GPR39: variants seen among roughly 807,000 people sequenced by gnomAD.
The protein encoded by GPR39 is G protein-coupled receptor 39, also known as zinc sensing receptor.
Under a neutral mutation model 18.4 loss-of-function variants are expected in GPR39, and 23 were observed. The observed-to-expected ratio is 1.25, with a 90% confidence interval of 0.90 to 1.77. GPR39 has a LOEUF of 1.77. Among genes scored for constraint, GPR39 ranks in the 40% most tolerant of loss-of-function variants. GPR39 has a pLI of 0.00. For synonymous variants in GPR39, 280 were observed against 257.9 expected (o/e 1.09, Z -0.82); for missense variants, 647 against 602.4 (o/e 1.07, Z -0.78).
chr2:132,475,780 C>A (rs553119529), intron 1 of GPR39, among the ~76,000 whole-genome samples: 37 of 152,298 alleles, frequency 2.4e-4, no homozygotes, highest in South Asian at 6.2e-4. Flanking sequence ...AATCTTTGCA[C>A]TTTTAGAATA....
At chr2:132,553,638 C>G (rs550158902) in intron 1 of GPR39, among the ~76,000 whole-genome samples, 1 of 151,994 alleles carries the variant, frequency 6.6e-6, no homozygotes, top group East Asian at 1.9e-4. Flanking sequence ...ACAGAGCTCA[C>G]GGGGTGTGCA....
intron 1 of GPR39, among the ~76,000 whole-genome samples, chr2:132,630,479 G>GA (rs1681630108): frequency 1.3e-5 from 2 of 152,210 alleles, no homozygotes; most frequent in South Asian, 4.1e-4. Context: ...GGACAGACTG[G>GA]AGGAATAAGC....
intron 1 of GPR39, among the ~76,000 whole-genome samples, chr2:132,472,608 T>C (rs776975624): frequency 6.6e-5 from 10 of 151,996 alleles, no homozygotes; most frequent in Non-Finnish European, 1.5e-5. Context: ...AACCCACATA[T>C]ATGGAATGAA....
At chr2:132,495,717 T>C (rs1291117028) in intron 1 of GPR39, among the ~76,000 whole-genome samples, 1 of 152,268 alleles carries the variant, frequency 6.6e-6, no homozygotes, top group Middle Eastern at 3.4e-3. Context: ...GGAGAAGCAG[T>C]CTTGGAGAAA....
rs540706479 is a variant in GPR39, at chr2:132,593,624, G to A, written c.857-51477G>A. Reference sequence around the variant, plus strand: ...ACAAATGGAAAGATGGGGTTGTCATGAACTGTGCTGAGGAAGGAAACAGCA... The same window carrying A: ...ACAAATGGAAAGATGGGGTTGTCATAAACTGTGCTGAGGAAGGAAACAGCA... On this transcript the variant is annotated intron_variant, in intron 1 of 1. Coordinates refer to ENST00000329321, the MANE Select transcript of GPR39 (RefSeq NM_001508.3). Among the ~76,000 whole-genome samples, 12 of 152,280 alleles carry A rather than the reference G, an allele frequency of 7.9e-5. No individual in the cohort carries two copies. The South Asian group carries it at 2.5e-3, about 32-fold the overall frequency.
chr2:132,614,494 C>A (rs901464700), intron 1 of GPR39, among the ~76,000 whole-genome samples: 5 of 152,122 alleles, frequency 3.3e-5, no homozygotes, highest in Non-Finnish European at 7.3e-5. Flanking sequence ...ATACCTCGGC[C>A]TCCCAAAGTT....
intron 1 of GPR39, among the ~76,000 whole-genome samples, chr2:132,529,749 G>C (rs762787897): frequency 6.6e-6 from 1 of 152,182 alleles, no homozygotes; most frequent in Admixed American, 6.5e-5. Flanking sequence ...ATAGGGTCTG[G>C]AGTGGACCTC....
chr2:132,645,345 C>A lies in GPR39; in HGVS notation c.1101C>A (p.His367Gln), dbSNP rs755489361. Reference sequence around the variant, plus strand: ...TGTGCTGCCGCCTGTCGCTGCAGCACGCCAACCACGAGAAGCGCCTGCGCG... The same window carrying A: ...TGTGCTGCCGCCTGTCGCTGCAGCAAGCCAACCACGAGAAGCGCCTGCGCG... The part of the protein sequence containing the change: ...QVLCCRLSLQ[H>Q]ANHEKRLRVH... The change falls in exon 2 of 2, where the codon CAC becomes CAA. Residue 367 changes from histidine (H) to glutamine (Q), a missense_variant. Physicochemically the swap from His to Gln is conservative, Grantham distance 24. This residue lies in a region of GPR39 where 581 missense variants were observed against 506.8 expected (regional missense o/e 1.15). Transcript: ENST00000329321. 2 of 1,614,160 alleles carry A rather than the reference C, an allele frequency of 1.2e-6. No individual in the cohort carries two copies. The highest frequency in any genetic ancestry group is 2.2e-5 in the South Asian group (2 of 91,080).
intron 1 of GPR39, among the ~76,000 whole-genome samples, chr2:132,576,314 A>T (rs145361773): frequency 0.024 from 3,696 of 152,272 alleles, 48 homozygotes; most frequent in Non-Finnish European, 0.035. Context: ...AAATTTTGAC[A>T]AAGTGCGGTT....
At chr2:132,433,375 G>C (rs1419468912) in intron 1 of GPR39, among the ~76,000 whole-genome samples, 1 of 152,100 alleles carries the variant, frequency 6.6e-6, no homozygotes, top group Non-Finnish European at 1.5e-5. Flanking sequence ...GTGTCCACTT[G>C]CAACTCTGTG....
chr2:132,594,939 T>C (rs1680909734), intron 1 of GPR39, among the ~76,000 whole-genome samples: 1 of 152,228 alleles, frequency 6.6e-6, no homozygotes, highest in South Asian at 2.1e-4. Context: ...TGTGTGGCTA[T>C]AATGAAGGCT....
intron 1 of GPR39, among the ~76,000 whole-genome samples, chr2:132,579,247 G>C (rs1474285295): frequency 6.6e-6 from 1 of 151,050 alleles, no homozygotes; most frequent in African/African-American, 2.4e-5. Flanking sequence ...TTAGAAGTAT[G>C]TTGCTTAGTT....
chr2:132,610,802 G>GAAGAAATC (rs1681225969), intron 1 of GPR39, among the ~76,000 whole-genome samples: 1 of 134,968 alleles, frequency 7.4e-6, no homozygotes, highest in African/African-American at 2.9e-5. Context: ...AAAAAAAGAA[G>GAAGAAATC]AAGAAATCTA....
Position 132,477,985 on chromosome 2 carries a change from C to T in GPR39, c.856+60087C>T, listed in dbSNP as rs548728137. On this transcript the variant is annotated intron_variant, in intron 1 of 1. Transcript: ENST00000329321. Reference sequence around the variant, plus strand: ...ACTAATTTAAAATCAATACCATAACCTACAAAGAATTTGAGGCATTTTATT... The same window carrying T: ...ACTAATTTAAAATCAATACCATAACTTACAAAGAATTTGAGGCATTTTATT... Among the ~76,000 whole-genome samples the T allele has an allele frequency of 2.6e-3, 401 of 152,272 alleles. 1 individual carries two copies. The highest frequency in any genetic ancestry group is 9.2e-3 in the African/African-American group (382 of 41,556).
At chr2:132,508,101 A>G (rs552159526) in intron 1 of GPR39, among the ~76,000 whole-genome samples, 1 of 152,252 alleles carries the variant, frequency 6.6e-6, no homozygotes, top group Non-Finnish European at 1.5e-5. Flanking sequence ...GCAGGCCCCA[A>G]TCTATAAACT....
intron 1 of GPR39, among the ~76,000 whole-genome samples, chr2:132,565,633 G>A (rs1680337386): frequency 1.4e-5 from 2 of 140,814 alleles, no homozygotes; most frequent in African/African-American, 5.3e-5. Flanking sequence ...TCCCACCTAT[G>A]AGTGAGAATA....
chr2:132,564,810 C>CTTTTTTCTTTTTTTTTTTTTTT (rs1680317290), intron 1 of GPR39, among the ~76,000 whole-genome samples: 1 of 95,440 alleles, frequency 1.0e-5, no homozygotes, highest in Non-Finnish European at 1.9e-5. Context: ...TTTCTTTTTT[C>CTTTTTTCTTTTTTTTTTTTTTT]TTTTTTTTTT....
chr2:132,503,497 T>G (rs1679082853), intron 1 of GPR39, among the ~76,000 whole-genome samples: 1 of 152,190 alleles, frequency 6.6e-6, no homozygotes, highest in Non-Finnish European at 1.5e-5. Context: ...GTGGACTCTG[T>G]GTGAGTCCTT....
chr2:132,547,493 G>T (rs181722118), intron 1 of GPR39, among the ~76,000 whole-genome samples: 14 of 152,254 alleles, frequency 9.2e-5, no homozygotes, highest in African/African-American at 3.4e-4. Context: ...AAATGTTTAG[G>T]TCTGATGGTT....
Sources: allele counts gnomAD v4.1 joint callset (sites outside exome capture counted in the v4.1 genomes callset), GRCh38; gene constraint gnomAD v4.1.1; regional missense constraint gnomAD v4.1.1; transcripts MANE v1.5; gene names NCBI Gene and HGNC (gene_info 2026-07-23, HGNC 2026-07-21).